Variants in GRIK3 observed in about 807,000 individuals in gnomAD.
GRIK3 encodes the protein glutamate ionotropic receptor kainate type subunit 3.
In GRIK3, 29 loss-of-function variants were observed where a neutral mutation model predicts 102.5. The observed-to-expected ratio is 0.28, with a 90% confidence interval of 0.21 to 0.39. The LOEUF (loss-of-function observed/expected upper bound fraction) is 0.39, where lower values mean the gene tolerates loss of function less well. Among genes scored for constraint, GRIK3 ranks in the 10% least tolerant of loss-of-function variants. The probability of loss-of-function intolerance (pLI) is 1.00; values close to 1 mark genes in which losing one functional copy is unlikely to be tolerated. For synonymous variants in GRIK3, 511 were observed against 504.9 expected, an observed-to-expected ratio of 1.01 and a Z score of -0.16; for missense variants, 908 against 1,252.4, an observed-to-expected ratio of 0.73 and a Z score of 4.15.
chr1:37,027,314 A>C (rs1362935315), intron 1 of GRIK3, among the ~76,000 whole-genome samples: 1 of 152,156 alleles, frequency 6.6e-6, no homozygotes, highest in Non-Finnish European at 1.5e-5. Context: ...TGTTGTCCTC[A>C]AACCCAGTCC....
intron 1 of GRIK3, among the ~76,000 whole-genome samples, chr1:37,019,355 G>A (rs1249188917): frequency 2.6e-5 from 4 of 152,188 alleles, no homozygotes; most frequent in African/African-American, 7.2e-5. Flanking sequence ...CAGGAGTGAA[G>A]GGTGAAATGG....
At chr1:36,865,670 C>T (rs535810206) in intron 5 of GRIK3, among the ~76,000 whole-genome samples, 13 of 152,298 alleles carry the variant, frequency 8.5e-5, no homozygotes, top group African/African-American at 2.9e-4. Context: ...TCCATTCTTC[C>T]CGACCCTCAG....
intron 15 of GRIK3, among the ~76,000 whole-genome samples, chr1:36,803,295 G>T (rs778628873): frequency 1.8e-4 from 27 of 152,176 alleles, no homozygotes; most frequent in Non-Finnish European, 2.9e-4. Flanking sequence ...AATGTGCTTG[G>T]TGTGTTCAGG....
chr1:36,927,276 T>C lies in GRIK3; in HGVS notation c.116-36180A>G, dbSNP rs572585611. Among the ~76,000 whole-genome samples the C allele has an allele frequency of 4.6e-5, 7 of 152,212 alleles. No homozygotes were observed. In the East Asian group the frequency reaches 1.2e-3, roughly 25 times the overall value. ...CGTTTCATTTTTGATGCAACCTAATTCTTCTCGTTTTCTCCATCTACCTCC... is the reference window on the plus strand; with the variant it reads ...CGTTTCATTTTTGATGCAACCTAATCCTTCTCGTTTTCTCCATCTACCTCC... On this transcript the variant is annotated intron_variant, in intron 1 of 15. Transcript: ENST00000373091.
At chr1:36,902,160 A>G (rs1168639303) in intron 1 of GRIK3, among the ~76,000 whole-genome samples, 1 of 152,228 alleles carries the variant, frequency 6.6e-6, no homozygotes, top group African/African-American at 2.4e-5. Context: ...TTTTTCCCAA[A>G]TTGATTTATA....
intron 1 of GRIK3, among the ~76,000 whole-genome samples, chr1:36,971,279 G>A (rs34912943): frequency 0.01 from 1,569 of 152,292 alleles, 9 homozygotes; most frequent in Middle Eastern, 0.017. Flanking sequence ...CAGGCCAACT[G>A]GGAGGGCTTT....
Position 36,819,826 on chromosome 1 carries a change from G to T in GRIK3, c.1783C>A (p.His595Asn). 6.3e-7 allele frequency: 1 copy of T among 1,589,960 alleles called. No individual in the cohort carries two copies. Among genetic ancestry groups the T allele is most frequent in the Non-Finnish European group, 8.6e-7 (1 of 1,164,218 alleles). ...ACCTCGGAGCCAGGGTTGCAGGGGT[G>T]AGCATCGTACCACTCATAAGGGCTG... is the stretch of plus-strand genomic sequence containing the variant. ...RFSPYEWYDA[H>N]PCNPGSEVVE... is the part of the protein sequence containing the mutation. The change falls in exon 12 of 16, where the codon CAC becomes AAC. Residue 595 changes from histidine to asparagine, a missense_variant. Transcript: ENST00000373091. This position sits in a 1 kb window ranked among gnomAD's most constrained non-coding sequence, Gnocchi z 4.1.
chr1:36,936,253 T>A (rs1253299046), intron 1 of GRIK3, among the ~76,000 whole-genome samples: 1 of 152,162 alleles, frequency 6.6e-6, no homozygotes, highest in Admixed American at 6.5e-5. Context: ...CCTGGAGGAA[T>A]CCCAACCCAG....
Position 36,859,881 on chromosome 1 carries a change from G to C in GRIK3, c.923C>G (p.Pro308Arg). ...KWSMERLQAA[P>R]RSESGLLDGV... Reference sequence around the variant, plus strand: ...ATCCAGCAGGCCAGACTCGGACCGGGGAGCTGCCTGCAGCCGCTCCATGGA... The same window carrying C: ...ATCCAGCAGGCCAGACTCGGACCGGCGAGCTGCCTGCAGCCGCTCCATGGA... The change falls in exon 6 of 16, where the codon CCC becomes CGC. Residue 308 changes from proline to arginine, a missense_variant. Transcript: ENST00000373091. 4 of 1,614,042 alleles carry C rather than the reference G, an allele frequency of 2.5e-6. No individual in the cohort carries two copies. The South Asian group carries it at 4.4e-5, about 18-fold the overall frequency.
At chr1:36,896,147 G>A (rs954838222) in intron 1 of GRIK3, among the ~76,000 whole-genome samples, 4 of 151,958 alleles carry the variant, frequency 2.6e-5, no homozygotes, top group Non-Finnish European at 5.9e-5. Context: ...TTAGAGAGAA[G>A]GAAAATAATA....
At chr1:36,835,894 C>G (rs937321753) in intron 10 of GRIK3, among the ~76,000 whole-genome samples, 6 of 152,128 alleles carry the variant, frequency 3.9e-5, no homozygotes, top group African/African-American at 1.4e-4. Flanking sequence ...CTCGATGGGG[C>G]CCCAAGTCCC....
At chr1:37,020,995 T>C (rs531756592) in intron 1 of GRIK3, among the ~76,000 whole-genome samples, 3 of 152,346 alleles carry the variant, frequency 2.0e-5, no homozygotes, top group African/African-American at 4.8e-5. Flanking sequence ...TCTCTCGCAG[T>C]GTGGAAGAGT....
chr1:36,852,499 C>A (rs1640597267), intron 8 of GRIK3, among the ~76,000 whole-genome samples: 1 of 152,176 alleles, frequency 6.6e-6, no homozygotes, highest in Non-Finnish European at 1.5e-5. Flanking sequence ...TCTTGGAGAG[C>A]TGAAGTTTAA....
At chr1:36,866,276 C>T (rs1466784471) in intron 5 of GRIK3, among the ~76,000 whole-genome samples, 3 of 152,218 alleles carry the variant, frequency 2.0e-5, no homozygotes, top group African/African-American at 7.2e-5. Context: ...ACACCTGAAC[C>T]AACATGGTCA....
chr1:37,001,655 C>A (rs1642477962), intron 1 of GRIK3, among the ~76,000 whole-genome samples: 1 of 152,054 alleles, frequency 6.6e-6, no homozygotes, highest in African/African-American at 2.4e-5. Flanking sequence ...GTGAGAAAAC[C>A]AGATCCTTGA....
chr1:36,876,808 C>T (rs1640916528), intron 3 of GRIK3, among the ~76,000 whole-genome samples: 1 of 152,150 alleles, frequency 6.6e-6, no homozygotes, highest in Non-Finnish European at 1.5e-5. Context: ...AAACCTGAGC[C>T]CCTAGTGCTC....
Position 36,859,226 on chromosome 1 carries a change from G to T in GRIK3, c.986C>A (p.Ala329Asp). Reference sequence around the variant, plus strand: ...GTAGCACACGGACACGATATGGACGGCGTCGTACAGTAAGGCTGCATCAGT... The same window carrying T: ...GTAGCACACGGACACGATATGGACGTCGTCGTACAGTAAGGCTGCATCAGT... ...MMTDAALLYD[A>D]VHIVSVCYQR... is the part of the protein sequence containing the mutation. Residue 329 changes from alanine (A) to aspartate (D), a missense_variant, in exon 7 of 16, where the codon GCC (alanine) becomes GAC (aspartate). Physicochemically the swap from Ala to Asp is moderately radical, Grantham distance 126 (BLOSUM62 -2). This residue lies in a region of GRIK3 where 585 missense variants were observed against 824.9 expected (regional missense o/e 0.71). Transcript: ENST00000373091. 6.2e-7 allele frequency: 1 copy of T among 1,612,670 alleles called. No homozygotes were observed. The highest frequency in any genetic ancestry group is 8.5e-7 in the Non-Finnish European group (1 of 1,178,936).
At chr1:36,862,040 T>C (rs781060055) in intron 5 of GRIK3, among the ~76,000 whole-genome samples, 4 of 152,118 alleles carry the variant, frequency 2.6e-5, no homozygotes, top group Non-Finnish European at 5.9e-5. Context: ...TCTATTTTTA[T>C]AGATGAGAAA....
intron 10 of GRIK3, among the ~76,000 whole-genome samples, chr1:36,830,422 G>T (rs1160768927): frequency 6.6e-6 from 1 of 151,804 alleles, no homozygotes; most frequent in African/African-American, 2.4e-5. Flanking sequence ...ATCTTATTTG[G>T]AAATAAGGTT....
Sources: allele counts gnomAD v4.1 joint callset (sites outside exome capture counted in the v4.1 genomes callset), GRCh38; gene constraint gnomAD v4.1.1; regional missense constraint gnomAD v4.1.1; non-coding constraint Gnocchi (gnomAD v3.1); transcripts MANE v1.5; gene names NCBI Gene and HGNC (gene_info 2026-07-23, HGNC 2026-07-21).